SYTL2: variants seen among roughly 807,000 people sequenced by gnomAD.
The protein encoded by SYTL2 is synaptotagmin-like protein 2.
A neutral mutation model predicts 198.7 loss-of-function variants in SYTL2; 165 were observed. That is an observed-to-expected ratio of 0.83 (90% CI 0.73 to 0.94). The LOEUF (loss-of-function observed/expected upper bound fraction) is 0.94. SYTL2 is among the 40% of genes least tolerant of loss of function. The probability of loss-of-function intolerance (pLI) is 0.00; values close to 1 mark genes in which losing one functional copy is unlikely to be tolerated. For synonymous variants in SYTL2, 966 were observed against 917.7 expected (o/e 1.05, Z -0.95); for missense variants, 2,835 against 2,582.8 (o/e 1.10, Z -2.12).
At chr11:85,740,194 C>A (rs947657463) in intron 4 of SYTL2, among the ~76,000 whole-genome samples, 1 of 152,158 alleles carries the variant, frequency 6.6e-6, no homozygotes, top group African/African-American at 2.4e-5. Flanking sequence ...CAATATACTT[C>A]CCATTCTTCC....
intron 11 of SYTL2, among the ~76,000 whole-genome samples, chr11:85,715,292 CACA>C (rs1330411567): frequency 1.3e-5 from 2 of 152,020 alleles, no homozygotes; most frequent in South Asian, 4.1e-4. Context: ...TTCTAAGAAT[CACA>C]ACATCTAAGC....
chr11:85,834,922 G>T, the SYTL2 span, among the ~76,000 whole-genome samples: 1 of 151,888 alleles, frequency 6.6e-6, no homozygotes, highest in Non-Finnish European at 1.5e-5. Flanking sequence ...ACCATGCCTG[G>T]CTACTTTTTA....
intron 1 of SYTL2, among the ~76,000 whole-genome samples, chr11:85,780,258 T>C (rs1001927733): frequency 3.3e-5 from 5 of 152,252 alleles, no homozygotes; most frequent in Admixed American, 2.6e-4. Context: ...AAATGAAATG[T>C]CTCTCTGTGA....
chr11:85,811,740 GCA>G (rs2093036932), upstream of SYTL2, among the ~76,000 whole-genome samples: 1 of 152,228 alleles, frequency 6.6e-6, no homozygotes, highest in African/African-American at 2.4e-5. Flanking sequence ...ACTGGGGTAT[GCA>G]CAGAGGACTG....
chr11:85,762,054 T>C (rs1295440628), intron 1 of SYTL2, among the ~76,000 whole-genome samples: 1 of 152,248 alleles, frequency 6.6e-6, no homozygotes, highest in Non-Finnish European at 1.5e-5. Context: ...CATTTGCTGA[T>C]GGTTGTGTCA....
intron 12 of SYTL2, among the ~76,000 whole-genome samples, chr11:85,711,805 T>C (rs1309110106): frequency 6.6e-6 from 1 of 152,154 alleles, no homozygotes; most frequent in African/African-American, 2.4e-5. Context: ...CCCTTACATA[T>C]TCCTGTGTTA....
At position 85,749,040 on chromosome 11, in the gene SYTL2, C is replaced by T. The variant is rs529604668; in HGVS notation, c.102-617G>A. Among the ~76,000 whole-genome samples, 18 of 152,260 alleles carry T rather than the reference C, an allele frequency of 1.2e-4. No individual in the cohort carries two copies. The South Asian group carries it at 3.7e-3, about 32-fold the overall frequency. ...GGCATCTTTAAAAGGCTGCTGGAAT[C>T]AGGGAAGACCAAAATTGAGGAGGAG... On this transcript the variant is annotated intron_variant, in intron 2 of 19. Coordinates refer to ENST00000359152, the MANE Select transcript of SYTL2 (RefSeq NM_206927.4).
At chr11:85,730,885 C>A (rs1591787552) in intron 7 of SYTL2, among the ~76,000 whole-genome samples, 1 of 152,168 alleles carries the variant, frequency 6.6e-6, no homozygotes, top group South Asian at 2.1e-4. Context: ...TGATAAGCAA[C>A]TTCAGCAAAG....
intron 1 of SYTL2, among the ~76,000 whole-genome samples, chr11:85,762,546 T>C (rs879435085): frequency 6.6e-6 from 1 of 152,220 alleles, no homozygotes; most frequent in Non-Finnish European, 1.5e-5. Context: ...TTAAGCGGCC[T>C]GTAGGACTCT....
intron 16 of SYTL2, among the ~76,000 whole-genome samples, chr11:85,702,961 A>G (rs544800512): frequency 6.6e-6 from 1 of 152,360 alleles, no homozygotes; most frequent in East Asian, 1.9e-4. Flanking sequence ...AAAATAGTCA[A>G]AAGAAAATAT....
At chr11:85,832,372 T>C in the SYTL2 span, among the ~76,000 whole-genome samples, 1 of 152,224 alleles carries the variant, frequency 6.6e-6, no homozygotes, top group Admixed American at 6.5e-5. Context: ...GTTTGTTCCA[T>C]GGTAATATTT....
At position 85,726,847 on chromosome 11, in the gene SYTL2, T is replaced by G. The variant is rs1258460431; in HGVS notation, c.2511A>C (p.Ser837=). ...GGTCTGTAGATAAACTGTCCATGGATGATACACCCTGTGACTTCTTCACAG... is the reference window on the plus strand; with the variant it reads ...GGTCTGTAGATAAACTGTCCATGGAGGATACACCCTGTGACTTCTTCACAG... The part of the protein sequence containing the change: ...YQPVKKSQGV[S]SMDSLSTDQS... The change falls in exon 8 of 20, where the codon TCA becomes TCC. Residue 837 remains serine, a synonymous_variant. Coordinates refer to ENST00000359152, the MANE Select transcript of SYTL2 (RefSeq NM_206927.4). The G allele has an allele frequency of 6.5e-7, 1 of 1,536,580 alleles. No individual in the cohort carries two copies. The highest frequency in any genetic ancestry group is 1.4e-5 in the African/African-American group (1 of 73,174).
intron 1 of SYTL2, among the ~76,000 whole-genome samples, chr11:85,792,778 C>A (rs894514940): frequency 1.3e-5 from 2 of 151,306 alleles, no homozygotes; most frequent in Non-Finnish European, 2.9e-5. Flanking sequence ...TCCCTCCCCG[C>A]TCCCCACACC....
At chr11:85,841,249 G>T in the SYTL2 span, among the ~76,000 whole-genome samples, 1 of 152,230 alleles carries the variant, frequency 6.6e-6, no homozygotes, top group African/African-American at 2.4e-5. Flanking sequence ...AACCATTGTA[G>T]AAGACAGTGT....
chr11:85,773,829 G>T (rs1245088443), intron 1 of SYTL2, among the ~76,000 whole-genome samples: 1 of 152,110 alleles, frequency 6.6e-6, no homozygotes, highest in East Asian at 1.9e-4. Context: ...TAGCTATTCA[G>T]ATTTATAATG....
rs1276222805 is a variant in SYTL2, at chr11:85,700,587, G to C, written c.6196C>G (p.Pro2066Ala). Reference protein sequence around the residue: ...RWYPLKRKTAPVALEAENRGE... With the variant: ...RWYPLKRKTAAVALEAENRGE... ...CTGTTTTCTGCTTCAAGGGCAACTG[G>C]TGCTGTCTGAAAAGTGAAGAAATGT... Residue 2066 changes from proline to alanine, a missense_variant, in exon 17 of 20, where the codon CCA becomes GCA. Pro to Ala is a conservative substitution (Grantham distance 27, BLOSUM62 -1). Transcript: ENST00000359152. 1 of 1,613,828 alleles carries C rather than the reference G, an allele frequency of 6.2e-7. No homozygotes were observed. The highest frequency in any genetic ancestry group is 1.1e-5 in the South Asian group (1 of 91,062).
At chr11:85,717,610 C>A in intron 10 of SYTL2, 80 bp from the exon 11 acceptor site, 1 of 1,204,176 alleles carries the variant, frequency 8.3e-7, no homozygotes, top group South Asian at 1.2e-5. Context: ...GCTCAAATGT[C>A]AGTTTCACAA....
At position 85,726,946 on chromosome 11, in the gene SYTL2, A is replaced by C. The variant is rs1382189196; in HGVS notation, c.2412T>G (p.Ala804=). 6.5e-7 allele frequency: 1 copy of C among 1,536,636 alleles called. No individual in the cohort carries two copies. ...DRISFWEGEK[A]GAKITHEKPT... ...GTTTTTCATGAGTTATCTTAGCACC[A>C]GCTTTCTCTCCTTCCCAAAAGGATA... The change falls in exon 8 of 20, where the codon GCT becomes GCG. Residue 804 remains alanine, a synonymous_variant. Transcript: ENST00000359152.
Position 85,734,649 on chromosome 11 carries a change from T to A in SYTL2, c.680A>T (p.Asn227Ile). 1 of 1,614,176 alleles carries A rather than the reference T, an allele frequency of 6.2e-7. No homozygotes were observed. The highest frequency in any genetic ancestry group is 8.5e-7 in the Non-Finnish European group (1 of 1,180,010). Residue 227 changes from asparagine to isoleucine, a missense_variant, in exon 7 of 20, where the codon AAT becomes ATT. This residue lies in a region of SYTL2 where 2,645 missense variants were observed against 2,381.7 expected (regional missense o/e 1.11). Transcript: ENST00000359152. ...GATTGGAGCCTTGATTTGGGACCCA[T>A]TTGAAAGGCCTGGCAAAGTCTGCTT... is the stretch of plus-strand genomic sequence containing the variant. ...KSKQTLPGLS[N>I]GSQIKAPIPK... is the part of the protein sequence containing the mutation.
Sources: gnomAD v4.1 joint callset for allele counts (sites outside exome capture counted in the v4.1 genomes callset) on GRCh38, gnomAD v4.1.1 for gene constraint, gnomAD v4.1.1 regional missense constraint, MANE v1.5 for transcripts, NCBI Gene and HGNC (gene_info 2026-07-23, HGNC 2026-07-21) for gene names.